CHD3: variants seen among roughly 807,000 people sequenced by gnomAD.
The protein encoded by CHD3 is ATP-dependent chromatin remodeler CHD3.
A neutral mutation model predicts 248.9 loss-of-function variants in CHD3; 52 were observed. The observed-to-expected ratio is 0.21, with a 90% CI of 0.17 to 0.26. The LOEUF (loss-of-function observed/expected upper bound fraction) is 0.26. Among genes scored for constraint, CHD3 ranks in the 10% least tolerant of loss-of-function variants. The pLI is 1.00. For synonymous variants in CHD3, 985 were observed against 985.2 expected (o/e 1.00, Z 0.00); for missense variants, 1,482 against 2,605.8 (o/e 0.57, Z 9.39).
At chr17:7,885,832 C>T (rs1160061317), upstream of CHD3, among the ~76,000 whole-genome samples, 2 of 152,218 alleles carry the variant, frequency 1.3e-5, no homozygotes, top group African/African-American at 4.8e-5. Flanking sequence ...GTGGTGGCCA[C>T]AGTCCACGCA....
chr17:7,893,185 C>T lies in CHD3; in HGVS notation c.510-101C>T, dbSNP rs1969130438. Reference sequence around the variant, plus strand: ...CCTAATAGGACATATTCTCACCACCCAGGAATCCTAGCATGTACATAGATT... The same window carrying T: ...CCTAATAGGACATATTCTCACCACCTAGGAATCCTAGCATGTACATAGATT... On this transcript the variant is annotated intron_variant, in intron 4 of 39. Coordinates refer to ENST00000330494, the MANE Select transcript of CHD3 (RefSeq NM_001005273.3). The T allele has an allele frequency of 2.8e-6, 4 of 1,439,214 alleles. No individual in the cohort carries two copies. The East Asian group carries it at 7.5e-5, about 27-fold the overall frequency. The allele number at this position is 1,439,214 out of a possible 1,614,324, so 89.2% of individuals were successfully genotyped here. A position where few individuals can be genotyped will look rare whatever the true frequency, so the allele number is the denominator to read the frequency against.
chr17:7,891,850 G>A (rs928945461), intron 4 of CHD3, among the ~76,000 whole-genome samples: 1 of 150,444 alleles, frequency 6.6e-6, no homozygotes, highest in Admixed American at 6.6e-5. Flanking sequence ...GGCAACAAGC[G>A]AAACTCCGTC....
In CHD3 at chr17:7,889,597, C is replaced by T. The variant is rs979731956; in HGVS notation, c.101-67C>T. On this transcript the variant is annotated intron_variant, in intron 1 of 39. Coordinates refer to ENST00000330494, the MANE Select transcript of CHD3 (RefSeq NM_001005273.3). This position sits in a 1 kb window ranked among gnomAD's most constrained non-coding sequence, Gnocchi z 4.5. Reference sequence around the variant, plus strand: ...GGGAACTGCCGAGGTGGGGAAGGGGCAAGTTGAGGGGCCTCAGAGGCTGGA... The same window carrying T: ...GGGAACTGCCGAGGTGGGGAAGGGGTAAGTTGAGGGGCCTCAGAGGCTGGA... The T allele has an allele frequency of 2.9e-6, 4 of 1,379,350 alleles. No homozygotes were observed. The African/African-American group carries it at 4.3e-5, about 15-fold the overall frequency. The allele number at this position is 1,379,350 out of a possible 1,614,324, so 85.4% of individuals were successfully genotyped here.
In CHD3 at chr17:7,905,238, T is replaced by G; in HGVS notation, c.4138+73T>G. 2.9e-6 allele frequency: 4 copies of G among 1,398,882 alleles called. No individual in the cohort carries two copies. Among genetic ancestry groups the G allele is most frequent in the Non-Finnish European group, 3.0e-6 (3 of 984,896 alleles). The allele number at this position is 1,398,882 out of a possible 1,614,324, so 86.7% of individuals were successfully genotyped here. A position where few individuals can be genotyped will look rare whatever the true frequency, so the allele number is the denominator to read the frequency against. ...TCCAGTTTGCTTTAAGCCCACTGTT[T>G]TTATACAAGTAAAAAAGTCTTCGTG... On this transcript the variant is annotated intron_variant, in intron 26 of 39. Coordinates refer to ENST00000330494, the MANE Select transcript of CHD3 (RefSeq NM_001005273.3). The surrounding 1 kb of genome is among the most constrained non-coding windows in gnomAD (Gnocchi z 5.8).
chr17:7,910,801 C>T lies in CHD3; in HGVS notation c.5755-46C>T, dbSNP rs116976313. ...GTCTCTCCTACAGCTTCTTTCCTCTCACAGACTATGAACTAACTCCAACTT... is the reference window on the plus strand; with the variant it reads ...GTCTCTCCTACAGCTTCTTTCCTCTTACAGACTATGAACTAACTCCAACTT... On this transcript the variant is annotated intron_variant, in intron 38 of 39. Transcript: ENST00000330494. This position sits in a 1 kb window ranked among gnomAD's most constrained non-coding sequence, Gnocchi z 4.7. The T allele has an allele frequency of 1.5e-4, 240 of 1,575,590 alleles. 3 individuals are homozygous for T. In the East Asian group the frequency reaches 4.9e-3, roughly 32 times the overall value.
chr17:7,907,610 C>A lies in CHD3; in HGVS notation c.4934C>A (p.Ser1645Ter). 1 of 1,511,284 alleles carries A rather than the reference C, an allele frequency of 6.6e-7. No homozygotes were observed. Among genetic ancestry groups the A allele is most frequent in the East Asian group, 2.3e-5 (1 of 42,862 alleles). 93.6% of individuals were successfully genotyped at this position (1,511,284 alleles called of 1,614,324 possible). ...CTACCCCCTCCCACAGCCACAGAGT[C>A]GACGCCAGGAGAAAGGGGGGAGGAG... ...RGDREKSATE[S>*]TPGERGEEKP... The change falls in exon 33 of 40, where the codon TCG becomes TAG. Residue 1645 changes from serine (S) to a stop codon, truncating the protein, a stop_gained. Transcript: ENST00000330494. LOFTEE classifies it high-confidence loss of function. The surrounding 1 kb of genome is among the most constrained non-coding windows in gnomAD (Gnocchi z 4.3).
intron 4 of CHD3, among the ~76,000 whole-genome samples, chr17:7,891,928 C>T (rs1968927626): frequency 1.3e-5 from 2 of 152,022 alleles, no homozygotes; most frequent in African/African-American, 2.4e-5. Context: ...TTTAACATAT[C>T]AGTTCAGTGC....
At position 7,895,237 on chromosome 17, in the gene CHD3, T is replaced by C; in HGVS notation, c.1503+87T>C. Reference sequence around the variant, plus strand: ...GGGCCCACATGTCCAGCTTTTCATTTCTCTGCACTCCCCCACCCTTGTGGG... The same window carrying C: ...GGGCCCACATGTCCAGCTTTTCATTCCTCTGCACTCCCCCACCCTTGTGGG... On this transcript the variant is annotated intron_variant, in intron 9 of 39. Coordinates refer to ENST00000330494, the MANE Select transcript of CHD3 (RefSeq NM_001005273.3). The surrounding 1 kb of genome is among the most constrained non-coding windows in gnomAD (Gnocchi z 4.9). 1 of 1,582,064 alleles carries C rather than the reference T, an allele frequency of 6.3e-7. No individual in the cohort carries two copies. The highest frequency in any genetic ancestry group is 8.6e-7 in the Non-Finnish European group (1 of 1,161,080).
chr17:7,899,038 C>T lies in CHD3; in HGVS notation c.2179C>T (p.Arg727Trp), dbSNP rs1597963273. Reference protein sequence around the residue: ...DPTVKYETQPRFITATGGTLH... With the variant: ...DPTVKYETQPWFITATGGTLH... ...TACCGTGAAATATGAGACTCAGCCA[C>T]GGTTTATCACAGCCACTGGAGGCAC... Residue 727 changes from arginine (R) to tryptophan (W), a missense_variant, in exon 14 of 40, where the codon CGG becomes TGG. This residue lies in a region of CHD3 where 127 missense variants were observed against 188.3 expected (regional missense o/e 0.67). Transcript: ENST00000330494. The surrounding 1 kb of genome is among the most constrained non-coding windows in gnomAD (Gnocchi z 6.8). The T allele has an allele frequency of 3.1e-6, 5 of 1,614,120 alleles. No homozygotes were observed. The highest frequency in any genetic ancestry group is 2.2e-5 in the East Asian group (1 of 44,882).
At chr17:7,898,354 G>A (rs1254879418) in intron 12 of CHD3, 142 bp from the exon 13 acceptor site, 2 of 740,092 alleles carry the variant, frequency 2.7e-6, no homozygotes, top group Non-Finnish European at 4.4e-6. Context: ...AAATCCAAAG[G>A]GCAAGGGTAA....
Position 7,903,138 on chromosome 17 carries a change from G to A in CHD3, c.3495+77G>A, listed in dbSNP as rs547946842. On this transcript the variant is annotated intron_variant, in intron 22 of 39. Coordinates refer to ENST00000330494, the MANE Select transcript of CHD3 (RefSeq NM_001005273.3). This position sits in a 1 kb window ranked among gnomAD's most constrained non-coding sequence, Gnocchi z 6.8. Reference sequence around the variant, plus strand: ...TTCATGGAGGAGGGTGTCATGTTCCGGGGTCAGAAATAAATCTCTTCTGGG... The same window carrying A: ...TTCATGGAGGAGGGTGTCATGTTCCAGGGTCAGAAATAAATCTCTTCTGGG... 9.3e-4 allele frequency: 1,465 copies of A among 1,579,726 alleles called. 1 individual carries two copies. Among genetic ancestry groups the A allele is most frequent in the Non-Finnish European group, 1.2e-3 (1,379 of 1,157,712 alleles).
Position 7,905,208 on chromosome 17 carries a change from T to C in CHD3, c.4138+43T>C, listed in dbSNP as rs1294889619. 2.5e-6 allele frequency: 4 copies of C among 1,584,834 alleles called. No individual in the cohort carries two copies. Among genetic ancestry groups the C allele is most frequent in the Non-Finnish European group, 3.5e-6 (4 of 1,153,270 alleles). On this transcript the variant is annotated intron_variant, in intron 26 of 39. Transcript: ENST00000330494. This position sits in a 1 kb window ranked among gnomAD's most constrained non-coding sequence, Gnocchi z 5.8. ...GACTCTACCTCACCTCTTCCCGTTT[T>C]ATTTTCCAGTTTGCTTTAAGCCCAC...
In CHD3 at chr17:7,899,837, G is replaced by A. The variant is rs547083157; in HGVS notation, c.2545-59G>A. 2 of 1,588,316 alleles carry A rather than the reference G, an allele frequency of 1.3e-6. No homozygotes were observed. The highest frequency in any genetic ancestry group is 1.3e-5 in the African/African-American group (1 of 74,590). Reference sequence around the variant, plus strand: ...CAGTCAGGACAAGGTGTCTGGTTCTGGAGGTGTAGGTGCATGGTTGTCAGG... The same window carrying A: ...CAGTCAGGACAAGGTGTCTGGTTCTAGAGGTGTAGGTGCATGGTTGTCAGG... On this transcript the variant is annotated intron_variant, in intron 15 of 39. Coordinates refer to ENST00000330494, the MANE Select transcript of CHD3 (RefSeq NM_001005273.3). The surrounding 1 kb of genome is among the most constrained non-coding windows in gnomAD (Gnocchi z 6.8).
chr17:7,904,103 CCTCAAACAA>C lies in CHD3; in HGVS notation c.3894+115_3894+123del. On this transcript the variant is annotated intron_variant, in intron 24 of 39. Coordinates refer to ENST00000330494, the MANE Select transcript of CHD3 (RefSeq NM_001005273.3). This position sits in a 1 kb window ranked among gnomAD's most constrained non-coding sequence, Gnocchi z 4.4. ...CTGTCCCCCTTAAAACAGTAGTGGA[CCTCAAACAA>C]CTTCTTCGTCTAATAGGTGAGACTG... is the stretch of plus-strand genomic sequence containing the variant. 2.7e-6 allele frequency: 3 copies of C among 1,119,186 alleles called. No individual in the cohort carries two copies. The highest frequency in any genetic ancestry group is 3.8e-6 in the Non-Finnish European group (3 of 780,520). 69.3% of individuals were successfully genotyped at this position (1,119,186 alleles called of 1,614,324 possible).
Position 7,895,382 on chromosome 17 carries a change from G to A in CHD3, c.1547G>A (p.Arg516Gln), listed in dbSNP as rs1969496944. 2 of 1,614,110 alleles carry A rather than the reference G, an allele frequency of 1.2e-6. No individual in the cohort carries two copies. The highest frequency in any genetic ancestry group is 1.7e-6 in the Non-Finnish European group (2 of 1,180,018). The change falls in exon 10 of 40, where the codon CGG (arginine) becomes CAG (glutamine). Residue 516 changes from arginine to glutamine, a missense_variant. Arg to Gln is a conservative substitution (Grantham distance 43, BLOSUM62 1). Coordinates refer to ENST00000330494, the MANE Select transcript of CHD3 (RefSeq NM_001005273.3). The surrounding 1 kb of genome is among the most constrained non-coding windows in gnomAD (Gnocchi z 4.9). ...CGAGTGCAGAAGATCCTACATTGGC[G>A]GTGGGGGGAGCCACCTGTAGCAGTG... ...KGRVQKILHW[R>Q]WGEPPVAVPA...
chr17:7,888,280 A>G (rs186791982), upstream of CHD3, among the ~76,000 whole-genome samples: 143 of 152,294 alleles, frequency 9.4e-4, no homozygotes, highest in African/African-American at 3.4e-3. Context: ...GCACTGAAGG[A>G]AGGCGAGGCA....
At position 7,893,577 on chromosome 17, in the gene CHD3, ACT is replaced by A; in HGVS notation, c.793+13_793+14del. On this transcript the variant is annotated intron_variant, in intron 5 of 39. Coordinates refer to ENST00000330494, the MANE Select transcript of CHD3 (RefSeq NM_001005273.3). ...AAACCAAAGAGGGCAAAGGTAGGGAACTCTCTTCCAACAACTGTCATCTCACC... is the reference window on the plus strand; with the variant it reads ...AAACCAAAGAGGGCAAAGGTAGGGAACTCTTCCAACAACTGTCATCTCACC... The A allele has an allele frequency of 6.4e-7, 1 of 1,554,432 alleles. No individual in the cohort carries two copies. Among genetic ancestry groups the A allele is most frequent in the Non-Finnish European group, 8.7e-7 (1 of 1,150,228 alleles).
rs779817792 is a variant in CHD3 at position 7,898,108 on chromosome 17, G to A, written c.2051+6G>A. The A allele has an allele frequency of 8.7e-6, 14 of 1,612,106 alleles. No homozygotes were observed. Among genetic ancestry groups the A allele is most frequent in the South Asian group, 3.3e-5 (3 of 90,704 alleles). On this transcript the variant is annotated splice_donor_region_variant and intron_variant, in intron 12 of 39. Transcript: ENST00000330494. ...CAAAGCTACTGGAGACACCGGTGAG[G>A]GAATGAGCTTGTGGATTCAAGGGAT...
upstream of CHD3, chr17:7,885,178 C>G: frequency 1.0e-6 from 1 of 978,216 alleles, no homozygotes; most frequent in Non-Finnish European, 1.2e-6. Flanking sequence ...GCGGCCGAGC[C>G]GAGGCGAATC....
Sources: gnomAD v4.1 joint callset for allele counts (sites outside exome capture counted in the v4.1 genomes callset) on GRCh38, gnomAD v4.1.1 for gene constraint, gnomAD v4.1.1 regional missense constraint, Gnocchi (gnomAD v3.1) non-coding constraint, MANE v1.5 for transcripts, NCBI Gene and HGNC (gene_info 2026-07-23, HGNC 2026-07-21) for gene names.